Variants in SLC27A1 observed in about 807,000 individuals in gnomAD.
SLC27A1 encodes the protein long-chain fatty acid transport protein 1.
Under a neutral mutation model 62.2 loss-of-function variants are expected in SLC27A1, and 61 were observed. The observed-to-expected ratio is 0.98, with a 90% CI of 0.80 to 1.21. SLC27A1 has a LOEUF of 1.21. Among genes scored for constraint, SLC27A1 ranks in the 50% most tolerant of loss-of-function variants. The pLI is 0.00. For synonymous variants in SLC27A1, 435 were observed against 408.6 expected, an observed-to-expected ratio of 1.06 and a Z score of -0.78; for missense variants, 903 against 932.1, an observed-to-expected ratio of 0.97 and a Z score of 0.41.
intron 1 of SLC27A1, among the ~76,000 whole-genome samples, chr19:17,485,125 G>A (rs2075215414): frequency 6.6e-6 from 1 of 151,534 alleles, no homozygotes; most frequent in Admixed American, 6.6e-5. Context: ...TCTCAACCAA[G>A]AAAATCTGAA....
intron 1 of SLC27A1, among the ~76,000 whole-genome samples, chr19:17,481,607 G>A (rs1369575465): frequency 6.6e-6 from 1 of 152,088 alleles, no homozygotes; most frequent in Non-Finnish European, 1.5e-5. Flanking sequence ...GGGCTCAAGC[G>A]ATCCTCCTGC....
At chr19:17,481,313 C>CTTTTTT (rs1041522913) in intron 1 of SLC27A1, among the ~76,000 whole-genome samples, 1 of 127,278 alleles carries the variant, frequency 7.9e-6, no homozygotes, top group African/African-American at 3.0e-5. Flanking sequence ...GGTTTAGTTC[C>CTTTTTT]TTTTTTTTTT....
Position 17,487,180 on chromosome 19 carries a change from C to A in SLC27A1, c.569C>A (p.Ala190Asp). The change falls in exon 3 of 12, where the codon GCC becomes GAC. Residue 190 changes from alanine to aspartate, a missense_variant. Ala to Asp is a moderately radical substitution (Grantham distance 126). Transcript: ENST00000252595. ...CATGTGTTGGGGACCACAGCGGTGG[C>A]CGAAGTGAGCGGGCATCTGGGGAAA... The part of the protein sequence containing the change: ...IFGGEMVAAV[A>D]EVSGHLGKSL... 1.2e-6 allele frequency: 2 copies of A among 1,614,018 alleles called. No homozygotes were observed. Among genetic ancestry groups the A allele is most frequent in the South Asian group, 1.1e-5 (1 of 91,080 alleles).
chr19:17,470,644 A>T lies in SLC27A1; in HGVS notation c.104A>T (p.Tyr35Phe), dbSNP rs1262537287. 1.3e-6 allele frequency: 2 copies of T among 1,581,464 alleles called. No individual in the cohort carries two copies. Among genetic ancestry groups the T allele is most frequent in the Non-Finnish European group, 1.7e-6 (2 of 1,170,576 alleles). Residue 35 changes from tyrosine (Y) to phenylalanine (F), a missense_variant, in exon 1 of 12, where the codon TAC becomes TTC. Physicochemically the swap from Tyr to Phe is conservative, Grantham distance 22. Transcript: ENST00000252595. The stretch of plus-strand genomic sequence containing the variant: ...AGCGCGGCAGCGGCGCTCGGCGTGT[A>T]CGTGGGCAGCGGCGGCTGGCGCTTC... Reference protein sequence around the residue: ...TWSAAAALGVYVGSGGWRFLR... With the variant: ...TWSAAAALGVFVGSGGWRFLR...
chr19:17,489,066 G>T lies in SLC27A1; in HGVS notation c.945G>T (p.Lys315Asn). Residue 315 changes from lysine (K) to asparagine (N), a missense_variant, in exon 6 of 12, where the codon AAG becomes AAT. Physicochemically the swap from Lys to Asn is moderately conservative, Grantham distance 94 (BLOSUM62 0). Transcript: ENST00000252595. The part of the protein sequence containing the change: ...LIYGLTVVLR[K>N]KFSASRFWDD... Reference sequence around the variant, plus strand: ...ATGGGCTGACAGTCGTCCTCCGCAAGAAATTCTCGGCCAGCCGCTTCTGGG... The same window carrying T: ...ATGGGCTGACAGTCGTCCTCCGCAATAAATTCTCGGCCAGCCGCTTCTGGG... 1 of 1,614,200 alleles carries T rather than the reference G, an allele frequency of 6.2e-7. No homozygotes were observed. The highest frequency in any genetic ancestry group is 1.1e-5 in the South Asian group (1 of 91,088).
At position 17,486,460 on chromosome 19, in the gene SLC27A1, A is replaced by G; in HGVS notation, c.168-103A>G. On this transcript the variant is annotated intron_variant, in intron 1 of 11. Coordinates refer to ENST00000252595, the MANE Select transcript of SLC27A1 (RefSeq NM_198580.3). This position sits in a 1 kb window ranked among gnomAD's most constrained non-coding sequence, Gnocchi z 6.6. ...AAAGTTTCACCATAGACCTCATCAA[A>G]GCCCCTGGCTGCCCTGGGGTCCTCC... is the stretch of plus-strand genomic sequence containing the variant. 7.3e-7 allele frequency: 1 copy of G among 1,370,854 alleles called. No homozygotes were observed. Among genetic ancestry groups the G allele is most frequent in the Non-Finnish European group, 9.7e-7 (1 of 1,033,302 alleles). The allele number at this position is 1,370,854 out of a possible 1,614,324, so 84.9% of individuals were successfully genotyped here.
intron 1 of SLC27A1, among the ~76,000 whole-genome samples, chr19:17,477,239 G>GGTTTT (rs1368216587): frequency 2.0e-5 from 1 of 49,056 alleles, no homozygotes; most frequent in African/African-American, 8.1e-5. Context: ...GATGAGCAGC[G>GGTTTT]CTTTTTTTTT....
In SLC27A1 at chr19:17,504,829, CCT is replaced by C. The variant is rs2075459752; in HGVS notation, c.*220_*221del. On this transcript the variant is annotated 3_prime_UTR_variant, in exon 12 of 12. Transcript: ENST00000252595. ...TCTGCCTCCTCTCCCTGCTTTTCAG[CCT>C]CTGTCTCCTTCCATCCCTGTCCCTG... 2 of 700,454 alleles carry C rather than the reference CCT, an allele frequency of 2.9e-6. No individual in the cohort carries two copies. Among genetic ancestry groups the C allele is most frequent in the South Asian group, 1.5e-5 (1 of 66,796 alleles). The allele number at this position is 700,454 out of a possible 1,614,324, so 43.4% of individuals were successfully genotyped here.
chr19:17,470,546 G>A lies in SLC27A1; in HGVS notation c.6G>A (p.Arg2=), dbSNP rs1375215661. M[R]APGAGAASVV... ...GCTCTCTCTGCTTCCCCAGGATGCG[G>A]GCTCCGGGTGCGGGCGCGGCCTCGG... Residue 2 remains arginine (R), a synonymous_variant, in exon 1 of 12, where the codon CGG becomes CGA. Coordinates refer to ENST00000252595, the MANE Select transcript of SLC27A1 (RefSeq NM_198580.3). 1.9e-6 allele frequency: 3 copies of A among 1,557,370 alleles called. No homozygotes were observed. The South Asian group carries it at 3.5e-5, about 18-fold the overall frequency.
chr19:17,495,205 C>G (rs2075336228), intron 6 of SLC27A1, among the ~76,000 whole-genome samples: 1 of 151,586 alleles, frequency 6.6e-6, no homozygotes, highest in East Asian at 1.9e-4. Context: ...GAACTTCTGA[C>G]CTGAAGTGAT....
intron 11 of SLC27A1, among the ~76,000 whole-genome samples, chr19:17,504,246 G>A (rs2075449982): frequency 6.6e-6 from 1 of 152,174 alleles, no homozygotes; most frequent in African/African-American, 2.4e-5. Context: ...TTGCCCTGGT[G>A]AGGAGTGGTT....
chr19:17,500,456 T>C (rs369738690), intron 8 of SLC27A1, 39 bp from the exon 9 acceptor site: 2 of 1,611,974 alleles, frequency 1.2e-6, no homozygotes, highest in South Asian at 1.1e-5. Context: ...CCCCACGCCC[T>C]GCCTGCCTAG....
chr19:17,482,843 A>T (rs1484448623), intron 1 of SLC27A1, among the ~76,000 whole-genome samples: 1 of 152,118 alleles, frequency 6.6e-6, no homozygotes, highest in Non-Finnish European at 1.5e-5. Context: ...AGGGGCATGA[A>T]ATGAACATTG....
chr19:17,469,175 G>T (rs8109373), upstream of SLC27A1, among the ~76,000 whole-genome samples: 27,443 of 152,098 alleles, frequency 0.18, 2,500 homozygotes, highest in African/African-American at 0.19. Flanking sequence ...GGGTGTGACG[G>T]TGAGACTTAA....
At position 17,489,005 on chromosome 19, in the gene SLC27A1, C is replaced by G. The variant is rs1353979309; in HGVS notation, c.887-3C>G. On this transcript the variant is annotated splice_region_variant and splice_polypyrimidine_tract_variant and intron_variant, in intron 5 of 11. Coordinates refer to ENST00000252595, the MANE Select transcript of SLC27A1 (RefSeq NM_198580.3). ...GACCCCTTACCAAGGCCACCCTCTG[C>G]AGGAAACATCATCGGCGTGGGGCAG... is the stretch of plus-strand genomic sequence containing the variant. The G allele has an allele frequency of 3.7e-6, 6 of 1,613,944 alleles. No homozygotes were observed. The African/African-American group carries it at 4.0e-5, about 11-fold the overall frequency.
chr19:17,487,961 C>T (rs1367874996), intron 4 of SLC27A1, among the ~76,000 whole-genome samples: 5 of 152,070 alleles, frequency 3.3e-5, no homozygotes, highest in Non-Finnish European at 7.4e-5. Flanking sequence ...CTCCTCCACC[C>T]ACGATGGCCC....
At chr19:17,470,948 C>T (rs2075070589) in intron 1 of SLC27A1, among the ~76,000 whole-genome samples, 2 of 149,386 alleles carry the variant, frequency 1.3e-5, no homozygotes, top group Non-Finnish European at 3.0e-5. Context: ...AGATGAGTAG[C>T]CTCTAAGGTG....
At chr19:17,498,687 AC>A in intron 7 of SLC27A1, 1 of 239,532 alleles carries the variant, frequency 4.2e-6, no homozygotes, top group Non-Finnish European at 7.8e-6. Context: ...AGAGGCGGAG[AC>A]CGGTAGAGGC....
chr19:17,500,552 AT>A lies in SLC27A1; in HGVS notation c.1392del (p.Asp464GlufsTer31). The A allele has an allele frequency of 2.5e-6, 4 of 1,613,772 alleles. No individual in the cohort carries two copies. The highest frequency in any genetic ancestry group is 3.4e-6 in the Non-Finnish European group (4 of 1,179,884). On this transcript the variant is annotated frameshift_variant, in exon 9 of 12. Transcript: ENST00000252595. LOFTEE classifies it high-confidence loss of function. ...INQQDPLRRF[D>X]GYVSESATSK... The stretch of plus-strand genomic sequence containing the variant: ...CAACAGGACCCGCTGCGCCGCTTCG[AT>A]GGCTATGTCAGCGAGAGCGCCACCA...
Sources: allele counts gnomAD v4.1 joint callset (sites outside exome capture counted in the v4.1 genomes callset), GRCh38; gene constraint gnomAD v4.1.1; non-coding constraint Gnocchi (gnomAD v3.1); transcripts MANE v1.5; gene names NCBI Gene and HGNC (gene_info 2026-07-23, HGNC 2026-07-21).